Variants in TLK1 observed in about 807,000 individuals in gnomAD.
The protein encoded by TLK1 is tousled like kinase 1.
A neutral mutation model predicts 105.3 loss-of-function variants in TLK1; 24 were observed. The observed-to-expected ratio is 0.23, with a 90% CI of 0.17 to 0.32. The LOEUF is 0.32. Among genes scored for constraint, TLK1 ranks in the 10% least tolerant of loss-of-function variants. The probability of loss-of-function intolerance (pLI) is 1.00; values close to 1 mark genes in which losing one functional copy is unlikely to be tolerated. For synonymous variants in TLK1, 321 were observed against 310.4 expected (o/e 1.03, Z -0.36); for missense variants, 558 against 910.5 (o/e 0.61, Z 4.98).
chr2:171,007,341 T>C (rs1684693943), intron 14 of TLK1, among the ~76,000 whole-genome samples: 1 of 152,028 alleles, frequency 6.6e-6, no homozygotes, highest in South Asian at 2.1e-4. Flanking sequence ...ACAATAAAGC[T>C]ATTATTTGTT....
intron 1 of TLK1, among the ~76,000 whole-genome samples, chr2:171,153,317 T>C (rs1295797108): frequency 6.6e-6 from 1 of 152,206 alleles, no homozygotes; most frequent in Admixed American, 6.5e-5. Flanking sequence ...AGAATTAACA[T>C]GTGCGAACAC....
intron 18 of TLK1, among the ~76,000 whole-genome samples, chr2:171,004,553 T>C (rs1017433109): frequency 6.6e-6 from 1 of 152,200 alleles, no homozygotes; most frequent in African/African-American, 2.4e-5. Flanking sequence ...CCCTGAAACA[T>C]AAGCTCTTTG....
intron 1 of TLK1, among the ~76,000 whole-genome samples, chr2:171,222,915 A>C (rs1432622010): frequency 2.0e-5 from 3 of 152,118 alleles, no homozygotes; most frequent in African/African-American, 7.2e-5. Context: ...CCCAGGTTCA[A>C]GTGATTCTCT....
chr2:171,123,090 C>CT (rs1211783133), intron 1 of TLK1, among the ~76,000 whole-genome samples: 5 of 112,862 alleles, frequency 4.4e-5, no homozygotes, highest in Admixed American at 2.6e-4. Context: ...ACACACACTT[C>CT]TTTTTTTAAT....
At chr2:171,029,179 T>C (rs1347474986) in intron 11 of TLK1, among the ~76,000 whole-genome samples, 3 of 152,198 alleles carry the variant, frequency 2.0e-5, no homozygotes, top group Admixed American at 6.5e-5. Context: ...GAATTTCAGT[T>C]TTACTCTAAG....
chr2:171,002,299 C>T (rs1283359934), intron 18 of TLK1, among the ~76,000 whole-genome samples: 1 of 152,070 alleles, frequency 6.6e-6, no homozygotes, highest in Non-Finnish European at 1.5e-5. Flanking sequence ...GGCTCTGTCA[C>T]CCAGGCTGGA....
At chr2:171,015,035 G>T in intron 12 of TLK1, 87 bp from the exon 13 acceptor site, 3 of 961,494 alleles carry the variant, frequency 3.1e-6, no homozygotes, top group Non-Finnish European at 3.3e-6. Context: ...ATGTTTTACA[G>T]TGATGGGAAG....
At chr2:171,084,145 T>C (rs1375756876) in intron 2 of TLK1, among the ~76,000 whole-genome samples, 1 of 151,994 alleles carries the variant, frequency 6.6e-6, no homozygotes, top group African/African-American at 2.4e-5. Flanking sequence ...ATTATCAATA[T>C]GGGAGGAAAC....
At chr2:171,214,015 T>C (rs1418767177) in intron 1 of TLK1, among the ~76,000 whole-genome samples, 1 of 151,154 alleles carries the variant, frequency 6.6e-6, no homozygotes. Flanking sequence ...TCTTTCAGAC[T>C]CTGGTGAATA....
At chr2:171,071,141 T>C (rs1027037225) in intron 3 of TLK1, among the ~76,000 whole-genome samples, 4 of 152,164 alleles carry the variant, frequency 2.6e-5, no homozygotes, top group Admixed American at 6.5e-5. Context: ...TCCTACAGAG[T>C]TGTTTGAGCT....
chr2:171,149,505 G>A (rs1343207350), intron 1 of TLK1, among the ~76,000 whole-genome samples: 1 of 152,176 alleles, frequency 6.6e-6, no homozygotes, highest in Non-Finnish European at 1.5e-5. Flanking sequence ...AAAGTATAAT[G>A]CTGTCAACTA....
intron 11 of TLK1, among the ~76,000 whole-genome samples, chr2:171,032,468 A>G (rs1005240681): frequency 6.6e-6 from 1 of 152,226 alleles, no homozygotes; most frequent in African/African-American, 2.4e-5. Context: ...CCTGAAAAGG[A>G]TATTAAGGAA....
rs1010208362 is a variant in TLK1 at position 171,119,062 on chromosome 2, G to A, written c.140-1205C>T. Among the ~76,000 whole-genome samples, 8 of 152,142 alleles carry A rather than the reference G, an allele frequency of 5.3e-5. 1 individual carries two copies. The highest frequency in any genetic ancestry group is 5.2e-4 in the Admixed American group (8 of 15,266). On this transcript the variant is annotated intron_variant, in intron 1 of 20. Coordinates refer to ENST00000431350, the MANE Select transcript of TLK1 (RefSeq NM_012290.5). ...GACCTCACTCCTTCTTGACATCCAA[G>A]AAATCTTGTATTCACAAGTACCCTA... is the stretch of plus-strand genomic sequence containing the variant.
At chr2:171,097,346 T>C (rs994139200) in intron 2 of TLK1, among the ~76,000 whole-genome samples, 4 of 152,008 alleles carry the variant, frequency 2.6e-5, no homozygotes, top group Non-Finnish European at 5.9e-5. Flanking sequence ...ATTAAAGACA[T>C]AAGATATGAA....
intron 12 of TLK1, among the ~76,000 whole-genome samples, chr2:171,021,045 T>G (rs1022028264): frequency 1.3e-5 from 2 of 152,194 alleles, no homozygotes; most frequent in Admixed American, 1.3e-4. Flanking sequence ...ACACTTCATT[T>G]CCTGTTTTTC....
At chr2:171,048,232 A>C (rs1018694896) in intron 10 of TLK1, among the ~76,000 whole-genome samples, 5 of 152,226 alleles carry the variant, frequency 3.3e-5, no homozygotes, top group African/African-American at 9.6e-5. Context: ...TACAGGCGTG[A>C]GCCACTGCAC....
At chr2:171,184,772 T>C (rs1023418686) in intron 1 of TLK1, among the ~76,000 whole-genome samples, 15 of 152,322 alleles carry the variant, frequency 9.8e-5, no homozygotes, top group East Asian at 7.7e-4. Flanking sequence ...TCAATGTTGG[T>C]TTCTGAACTC....
chr2:171,117,311 C>T (rs759719071), intron 2 of TLK1, among the ~76,000 whole-genome samples: 3 of 152,154 alleles, frequency 2.0e-5, no homozygotes, highest in Non-Finnish European at 2.9e-5. Context: ...ACTCTCCTGC[C>T]GCTCACCTCC....
At chr2:171,121,794 C>T (rs967764347) in intron 1 of TLK1, among the ~76,000 whole-genome samples, 19 of 152,108 alleles carry the variant, frequency 1.2e-4, no homozygotes, top group African/African-American at 4.6e-4. Flanking sequence ...ATTTTGTTTC[C>T]TATTGTTTTT....
Sources: gnomAD v4.1 joint callset for allele counts (sites outside exome capture counted in the v4.1 genomes callset) on GRCh38, gnomAD v4.1.1 for gene constraint, MANE v1.5 for transcripts, NCBI Gene and HGNC (gene_info 2026-07-23, HGNC 2026-07-21) for gene names.